The following FBXL2 variants were observed in gnomAD, a reference collection of about 807,000 sequenced individuals.
The protein encoded by FBXL2 is F-box/LRR-repeat protein 2.
FBXL2 carries 38 observed loss-of-function variants against 69.2 expected under a neutral mutation model. The ratio of observed to expected loss-of-function variants is 0.55; its 90% CI spans 0.42 to 0.72. FBXL2 has a LOEUF of 0.72. FBXL2 is among the 30% of genes least tolerant of loss of function. The pLI is 0.00. For synonymous variants in FBXL2, 192 were observed against 201.3 expected, an observed-to-expected ratio of 0.95 and a Z score of 0.39; for missense variants, 354 against 520.3, an observed-to-expected ratio of 0.68 and a Z score of 3.11.
chr3:33,408,065 G>GA (rs964354043), downstream of FBXL2, among the ~76,000 whole-genome samples: 30 of 152,026 alleles, frequency 2.0e-4, no homozygotes, highest in African/African-American at 7.2e-4. Flanking sequence ...ACTTTGGCCT[G>GA]AAGCATTAAT....
chr3:33,364,967 G>A (rs1206842139), intron 5 of FBXL2, among the ~76,000 whole-genome samples: 2 of 152,168 alleles, frequency 1.3e-5, no homozygotes, highest in Non-Finnish European at 2.9e-5. Context: ...CTTCTGCAAA[G>A]TCAGGGCAGC....
chr3:33,350,713 G>A (rs1434693804), intron 2 of FBXL2, among the ~76,000 whole-genome samples: 1 of 152,032 alleles, frequency 6.6e-6, no homozygotes, highest in African/African-American at 2.4e-5. Context: ...TGGGATTACA[G>A]GTGTGAGCCA....
downstream of FBXL2, chr3:33,390,002 G>T (rs537310807): frequency 1.4e-5 from 4 of 278,048 alleles, no homozygotes; most frequent in East Asian, 2.5e-4. Flanking sequence ...TTTCCAAACC[G>T]CATACAGTGT....
chr3:33,409,313 G>A, the FBXL2 span: 2 of 1,613,814 alleles, frequency 1.2e-6, no homozygotes, highest in Non-Finnish European at 1.7e-6. Context: ...ATCTTCTCTC[G>A]GTCAGTTTTT....
chr3:33,310,376 C>T (rs2037084127), intron 2 of FBXL2, among the ~76,000 whole-genome samples: 1 of 152,092 alleles, frequency 6.6e-6, no homozygotes. Flanking sequence ...TGGTCTCGAA[C>T]TCCTGAACTC....
chr3:33,397,856 C>G (rs933614330), intron 12 of FBXL2: 1 of 151,992 alleles, frequency 6.6e-6, no homozygotes, highest in Non-Finnish European at 1.5e-5. Flanking sequence ...TCTATCTGAA[C>G]ACTCCCTTCG....
chr3:33,327,542 C>T (rs2038796713), intron 2 of FBXL2, among the ~76,000 whole-genome samples: 1 of 152,102 alleles, frequency 6.6e-6, no homozygotes, highest in South Asian at 2.1e-4. Context: ...TTCACCACTA[C>T]AGGTCATGTG....
intron 5 of FBXL2, among the ~76,000 whole-genome samples, chr3:33,367,015 A>T (rs2041996157): frequency 6.6e-6 from 1 of 152,178 alleles, no homozygotes; most frequent in South Asian, 2.1e-4. Context: ...TTTTTTAAAA[A>T]TGTTTTGTAG....
chr3:33,396,954 C>T, intron 12 of FBXL2: 1 of 1,215,776 alleles, frequency 8.2e-7, no homozygotes, highest in Non-Finnish European at 1.2e-6. Context: ...GGCACACACG[C>T]CAACCTAGCG....
intron 2 of FBXL2, among the ~76,000 whole-genome samples, chr3:33,355,877 T>C (rs1404465226): frequency 6.6e-6 from 1 of 152,224 alleles, no homozygotes; most frequent in African/African-American, 2.4e-5. Flanking sequence ...GCATTACTTT[T>C]ACTCGTCGAA....
At chr3:33,327,522 T>C (rs2038795658) in intron 2 of FBXL2, among the ~76,000 whole-genome samples, 1 of 152,208 alleles carries the variant, frequency 6.6e-6, no homozygotes, top group African/African-American at 2.4e-5. Flanking sequence ...ACTTCCAGTT[T>C]TACAGATTAT....
chr3:33,363,302 A>C (rs2041755083), intron 4 of FBXL2, among the ~76,000 whole-genome samples: 2 of 152,144 alleles, frequency 1.3e-5, no homozygotes. Context: ...CAGCTTCCCA[A>C]AGTGCAGGGA....
the FBXL2 span, among the ~76,000 whole-genome samples, chr3:33,414,370 T>C: frequency 4.6e-5 from 7 of 152,118 alleles, no homozygotes; most frequent in South Asian, 4.2e-4. Flanking sequence ...TAAAAGGAGA[T>C]TGACTGCATT....
intron 2 of FBXL2, among the ~76,000 whole-genome samples, chr3:33,339,477 T>A (rs1196595024): frequency 1.3e-5 from 2 of 152,186 alleles, no homozygotes; most frequent in African/African-American, 2.4e-5. Flanking sequence ...TGCATTTTTT[T>A]AAATAAGTGA....
intron 2 of FBXL2, among the ~76,000 whole-genome samples, chr3:33,345,177 T>C (rs1188947395): frequency 1.3e-5 from 2 of 152,234 alleles, no homozygotes; most frequent in African/African-American, 4.8e-5. Flanking sequence ...TGAGCATGGT[T>C]ATGCCCCCTC....
At chr3:33,317,976 A>G (rs1211251626) in intron 2 of FBXL2, among the ~76,000 whole-genome samples, 1 of 152,154 alleles carries the variant, frequency 6.6e-6, no homozygotes, top group East Asian at 1.9e-4. Context: ...TGGGAACCTT[A>G]GGATTAGTTG....
At chr3:33,280,729 AAAAAG>A (rs2033895652) in intron 1 of FBXL2, among the ~76,000 whole-genome samples, 2 of 151,480 alleles carry the variant, frequency 1.3e-5, no homozygotes, top group African/African-American at 4.8e-5. Flanking sequence ...AAAAAAAAAA[AAAAAG>A]AAAAGAAAAA....
intron 1 of FBXL2, among the ~76,000 whole-genome samples, chr3:33,281,168 A>ATATC (rs1553628998): frequency 6.6e-6 from 1 of 152,156 alleles, no homozygotes; most frequent in African/African-American, 2.4e-5. Context: ...TACATTAGGT[A>ATATC]TATCTCCTAA....
intron 2 of FBXL2, among the ~76,000 whole-genome samples, chr3:33,305,684 T>C (rs1006441284): frequency 2.0e-5 from 3 of 152,034 alleles, no homozygotes; most frequent in Admixed American, 6.6e-5. Flanking sequence ...GGCTAGAATT[T>C]TCTTTTTGGG....
Sources: allele counts gnomAD v4.1 joint callset (sites outside exome capture counted in the v4.1 genomes callset), GRCh38; gene constraint gnomAD v4.1.1; transcripts MANE v1.5; gene names NCBI Gene and HGNC (gene_info 2026-07-23, HGNC 2026-07-21).